The following PTPRD variants were observed in gnomAD, a reference collection of about 807,000 sequenced individuals.
PTPRD encodes the protein receptor-type tyrosine-protein phosphatase delta.
A neutral mutation model predicts 214.5 loss-of-function variants in PTPRD; 34 were observed. The ratio of observed to expected loss-of-function variants is 0.16; its 90% CI spans 0.12 to 0.21. The LOEUF is 0.21. PTPRD is among the 10% of genes least tolerant of loss of function. The pLI, the probability that PTPRD is intolerant of heterozygous loss-of-function variation, is 1.00. For synonymous variants in PTPRD, 1,128 were observed against 845.7 expected (o/e 1.33, Z -5.79); for missense variants, 2,545 against 2,398.7 (o/e 1.06, Z -1.27).
intron 3 of PTPRD, among the ~76,000 whole-genome samples, chr9:10,142,453 A>T (rs1276148640): frequency 3.9e-5 from 6 of 152,136 alleles, no homozygotes; most frequent in Non-Finnish European, 8.8e-5. Context: ...CTCCATCAAA[A>T]AGTGGGCAAA....
chr9:9,706,722 G>A (rs993658723), intron 7 of PTPRD, among the ~76,000 whole-genome samples: 5 of 152,186 alleles, frequency 3.3e-5, no homozygotes, highest in African/African-American at 1.2e-4. Flanking sequence ...TTGCAGGCAT[G>A]AGCCACCATG....
At chr9:10,229,724 G>T (rs2099602056) in intron 3 of PTPRD, among the ~76,000 whole-genome samples, 2 of 123,840 alleles carry the variant, frequency 1.6e-5, no homozygotes, top group South Asian at 5.5e-4. Context: ...AGGTGGGAGG[G>T]ATAGCATCAG....
At chr9:9,607,178 A>C (rs2094216963) in intron 7 of PTPRD, among the ~76,000 whole-genome samples, 1 of 151,958 alleles carries the variant, frequency 6.6e-6, no homozygotes, top group African/African-American at 2.4e-5. Flanking sequence ...TGAGGATTAG[A>C]AGAGTAGCAA....
chr9:10,091,663 G>A (rs1455191905), intron 3 of PTPRD, among the ~76,000 whole-genome samples: 7 of 151,414 alleles, frequency 4.6e-5, no homozygotes, highest in Admixed American at 1.3e-4. Flanking sequence ...TACATTTTTA[G>A]AATCTTGATT....
intron 8 of PTPRD, among the ~76,000 whole-genome samples, chr9:9,558,721 G>C: frequency 6.6e-6 from 1 of 152,138 alleles, no homozygotes. Flanking sequence ...GTTTACACCT[G>C]GTTTTAAACC....
intron 8 of PTPRD, among the ~76,000 whole-genome samples, chr9:9,486,102 G>A (rs2095619201): frequency 1.6e-5 from 2 of 124,676 alleles, no homozygotes; most frequent in South Asian, 2.7e-4. Context: ...GGTGAGTCGA[G>A]ATCACGCCAC....
chr9:9,457,769 A>G (rs560256761), intron 8 of PTPRD, among the ~76,000 whole-genome samples: 11 of 147,422 alleles, frequency 7.5e-5, no homozygotes, highest in African/African-American at 2.8e-4. Context: ...TTTTCCCCCA[A>G]ATACAGGGGG....
intron 7 of PTPRD, among the ~76,000 whole-genome samples, chr9:9,727,385 G>A (rs2098114267): frequency 6.6e-6 from 1 of 152,088 alleles, no homozygotes; most frequent in African/African-American, 2.4e-5. Context: ...AGGATGTCAA[G>A]GGTGCAATGA....
chr9:9,904,032 G>T (rs545240492), intron 5 of PTPRD, among the ~76,000 whole-genome samples: 43 of 152,098 alleles, frequency 2.8e-4, no homozygotes, highest in African/African-American at 9.2e-4. Context: ...CCCTGGCAAA[G>T]TTCAGTCCTC....
intron 3 of PTPRD, among the ~76,000 whole-genome samples, chr9:10,074,260 A>T (rs780032136): frequency 7.2e-5 from 11 of 152,106 alleles, no homozygotes; most frequent in Non-Finnish European, 1.0e-4. Flanking sequence ...TCATCTCTGC[A>T]GGCTCCTATA....
intron 3 of PTPRD, among the ~76,000 whole-genome samples, chr9:10,079,930 T>A (rs2154188226): frequency 7.0e-6 from 1 of 142,998 alleles, no homozygotes; most frequent in Admixed American, 6.8e-5. Flanking sequence ...AATTAAATCT[T>A]GCTTTTTTTT....
Position 10,396,499 on chromosome 9 carries a change from A to G in PTPRD, c.-599-55482T>C, listed in dbSNP as rs546749241. Among the ~76,000 whole-genome samples, 6 of 152,046 alleles carry G rather than the reference A, an allele frequency of 3.9e-5. No homozygotes were observed. In the East Asian group the frequency reaches 1.2e-3, roughly 30 times the overall value. ...TCATCCTTTCTTTTTCTTCTCCCCCAGTTCTATTCTTCTGTCAATTCTTTC... is the reference window on the plus strand; with the variant it reads ...TCATCCTTTCTTTTTCTTCTCCCCCGGTTCTATTCTTCTGTCAATTCTTTC... On this transcript the variant is annotated intron_variant, in intron 2 of 45. Transcript: ENST00000381196.
chr9:8,330,727 G>T (rs1247843950), intron 44 of PTPRD, among the ~76,000 whole-genome samples: 1 of 152,102 alleles, frequency 6.6e-6, no homozygotes, highest in East Asian at 1.9e-4. Context: ...TTAGAACACA[G>T]CTATCTTAGC....
At chr9:9,234,968 C>T (rs149564536) in intron 9 of PTPRD, among the ~76,000 whole-genome samples, 138 of 152,320 alleles carry the variant, frequency 9.1e-4, no homozygotes, top group African/African-American at 3.2e-3. Context: ...CAATGCCCCA[C>T]TACCTCAGTA....
At chr9:8,785,144 G>C (rs1198536847) in intron 11 of PTPRD, among the ~76,000 whole-genome samples, 3 of 152,050 alleles carry the variant, frequency 2.0e-5, no homozygotes, top group Non-Finnish European at 4.4e-5. Context: ...ATCAGGACTT[G>C]GTGTATAGAC....
At chr9:8,986,936 A>T (rs1378514089) in intron 11 of PTPRD, among the ~76,000 whole-genome samples, 1 of 152,044 alleles carries the variant, frequency 6.6e-6, no homozygotes, top group African/African-American at 2.4e-5. Flanking sequence ...AAGGAGGCTG[A>T]ATATTTTTAT....
At chr9:8,708,942 T>C (rs956007298) in intron 12 of PTPRD, among the ~76,000 whole-genome samples, 3 of 152,090 alleles carry the variant, frequency 2.0e-5, no homozygotes, top group Admixed American at 6.6e-5. Flanking sequence ...TGCTGTCATT[T>C]GCAACAATAT....
At chr9:8,948,930 T>G (rs1395068992) in intron 11 of PTPRD, among the ~76,000 whole-genome samples, 3 of 151,880 alleles carry the variant, frequency 2.0e-5, no homozygotes, top group African/African-American at 7.3e-5. Flanking sequence ...GTAAGAATAG[T>G]ATAGTAAGAT....
chr9:8,502,810 G>A (rs2097439226), intron 23 of PTPRD, among the ~76,000 whole-genome samples: 1 of 150,344 alleles, frequency 6.7e-6, no homozygotes, highest in Non-Finnish European at 1.5e-5. Context: ...AGTGTTTGAT[G>A]TGCTTATAAA....
Sources: gnomAD v4.1 joint callset for allele counts (sites outside exome capture counted in the v4.1 genomes callset) on GRCh38, gnomAD v4.1.1 for gene constraint, MANE v1.5 for transcripts, NCBI Gene and HGNC (gene_info 2026-07-23, HGNC 2026-07-21) for gene names.